RICTOR: variants seen among roughly 807,000 people sequenced by gnomAD.
RICTOR encodes the protein rapamycin-insensitive companion of mTOR.
In RICTOR, 49 loss-of-function variants were observed where a neutral mutation model predicts 214.9. That is an observed-to-expected ratio of 0.23 (90% CI 0.18 to 0.29). The LOEUF (loss-of-function observed/expected upper bound fraction) is 0.29, where lower values mean the gene tolerates loss of function less well. Ranked by LOEUF, RICTOR falls within the 10% of genes least tolerant of loss-of-function variation. RICTOR has a pLI of 1.00. For missense variants in RICTOR, 1,625 were observed against 2,047.0 expected (o/e 0.79, Z 3.98); for synonymous variants, 717 against 711.3 (o/e 1.01, Z -0.13).
chr5:38,986,829 G>T (rs748851605), intron 7 of RICTOR, among the ~76,000 whole-genome samples: 2 of 152,182 alleles, frequency 1.3e-5, no homozygotes, highest in Non-Finnish European at 2.9e-5. Context: ...TCCAGCTTTT[G>T]CTCATTCAGT....
At chr5:38,990,825 T>TGAGATATATGATATATGA (rs1554068211) in intron 7 of RICTOR, 124 bp downstream of exon 7, 1 of 163,864 alleles carries the variant, frequency 6.1e-6, no homozygotes, top group African/African-American at 9.1e-5. Flanking sequence ...ATGAGATATA[T>TGAGATATATGATATATGA]GATATATGAG....
chr5:38,978,327 T>C (rs1250465946), intron 9 of RICTOR, among the ~76,000 whole-genome samples: 1 of 152,142 alleles, frequency 6.6e-6, no homozygotes, highest in Admixed American at 6.5e-5. Flanking sequence ...ATATATACAT[T>C]ACAAAAACAA....
At position 38,950,205 on chromosome 5, in the gene RICTOR, T is replaced by C. The variant is rs144315310; in HGVS notation, c.3643A>G (p.Ile1215Val). The C allele has an allele frequency of 4.3e-6, 7 of 1,613,430 alleles. No homozygotes were observed. In the African/African-American group the frequency reaches 8.0e-5, roughly 18 times the overall value. Residue 1215 changes from isoleucine (I) to valine (V), a missense_variant, in exon 31 of 38, where the codon ATA (isoleucine) becomes GTA (valine). By Grantham distance (29) the Ile-to-Val change is conservative (BLOSUM62 3). Coordinates refer to ENST00000357387, the MANE Select transcript of RICTOR (RefSeq NM_152756.5). ...VESSTSSHMK[I>V]RSQSFNTDTT... is the part of the protein sequence containing the mutation. ...TCTGTATTGAAACTTTGGCTACGTATCTTCATATGTGAGCTCGTTGAACTT... is the reference window on the plus strand; with the variant it reads ...TCTGTATTGAAACTTTGGCTACGTACCTTCATATGTGAGCTCGTTGAACTT...
chr5:39,035,763 T>C (rs1273323368), intron 2 of RICTOR, among the ~76,000 whole-genome samples: 1 of 151,992 alleles, frequency 6.6e-6, no homozygotes, highest in Admixed American at 6.6e-5. Context: ...AAGAGAAGTT[T>C]AGAGAAAAAA....
rs977409408 is a variant in RICTOR, at chr5:38,959,952, T to C, written c.1878A>G (p.Leu626=). 4 of 1,611,326 alleles carry C rather than the reference T, an allele frequency of 2.5e-6. No homozygotes were observed. Among genetic ancestry groups the C allele is most frequent in the African/African-American group, 1.3e-5 (1 of 74,854 alleles). The part of the protein sequence containing the change: ...EEDGQGYLED[L]VKDIVQWLNA... Reference sequence around the variant, plus strand: ...TGAGCCACTGAACAATATCCTTTACTAGATCTTCTAAGTAGCCTTGCCCAT... The same window carrying C: ...TGAGCCACTGAACAATATCCTTTACCAGATCTTCTAAGTAGCCTTGCCCAT... Residue 626 remains leucine, a synonymous_variant, in exon 21 of 38, where the codon CTA becomes CTG. Transcript: ENST00000357387.
intron 3 of RICTOR, among the ~76,000 whole-genome samples, chr5:39,006,105 G>T (rs547444565): frequency 2.0e-5 from 3 of 152,248 alleles, no homozygotes; most frequent in East Asian, 1.9e-4. Flanking sequence ...GTATTTCTGG[G>T]CCTAATGCTT....
At chr5:38,975,472 TA>T in intron 10 of RICTOR, 64 bp downstream of exon 10, 2 of 1,105,740 alleles carry the variant, frequency 1.8e-6, no homozygotes, top group Admixed American at 3.5e-5. Context: ...AATAATAATT[TA>T]ACATTTGAAA....
chr5:38,938,570 C>G lies in RICTOR; in HGVS notation c.*3734G>C, dbSNP rs1747214312. On this transcript the variant is annotated 3_prime_UTR_variant, in exon 38 of 38. Coordinates refer to ENST00000357387, the MANE Select transcript of RICTOR (RefSeq NM_152756.5). ...CATGCTGTGGTGCAGCTATCCGATA[C>G]TTACATTACAAAAATACTCCAAACA... The G allele has an allele frequency of 4.3e-6, 1 of 232,716 alleles. No individual in the cohort carries two copies. Among genetic ancestry groups the G allele is most frequent in the African/African-American group, 2.2e-5 (1 of 45,290 alleles). The allele number at this position is 232,716 out of a possible 1,614,324, so 14.4% of individuals were successfully genotyped here.
chr5:39,072,425 G>A (rs765257146), intron 2 of RICTOR, among the ~76,000 whole-genome samples: 1 of 152,088 alleles, frequency 6.6e-6, no homozygotes, highest in African/African-American at 2.4e-5. Flanking sequence ...ATAGGAGCTC[G>A]ACGAACTCAA....
Position 38,946,457 on chromosome 5 carries a change from C to G in RICTOR, c.4399+11G>C, listed in dbSNP as rs1331347721. 3.9e-6 allele frequency: 6 copies of G among 1,537,690 alleles called. No individual in the cohort carries two copies. The highest frequency in any genetic ancestry group is 5.4e-6 in the Non-Finnish European group (6 of 1,110,584). On this transcript the variant is annotated intron_variant, in intron 33 of 37. Transcript: ENST00000357387. The stretch of plus-strand genomic sequence containing the variant: ...AGAGGCATCTCACAAGTACAATGCA[C>G]AATGCATTACCTCCTGCATCATGGG...
chr5:39,016,703 C>T (rs910017102), intron 3 of RICTOR, among the ~76,000 whole-genome samples: 4 of 152,126 alleles, frequency 2.6e-5, no homozygotes, highest in Admixed American at 6.6e-5. Flanking sequence ...AGGTGTTCAA[C>T]AGATTCCTAG....
In RICTOR at chr5:38,944,975, C is replaced by T. The variant is rs1389430810; in HGVS notation, c.4727G>A (p.Cys1576Tyr). ...GCCTTCTTGAGACACCCCATCACTG[C>T]ATCCAGAAATCCCCGAAAACTTAGA... ...VPSKFSGISG[C>Y]SDGVSQEGSA... Residue 1576 changes from cysteine to tyrosine, a missense_variant, in exon 35 of 38, where the codon TGC becomes TAC. Physicochemically the swap from Cys to Tyr is radical, Grantham distance 194. Transcript: ENST00000357387. 2 of 1,613,950 alleles carry T rather than the reference C, an allele frequency of 1.2e-6. No individual in the cohort carries two copies. Among genetic ancestry groups the T allele is most frequent in the Non-Finnish European group, 1.7e-6 (2 of 1,179,866 alleles).
intron 2 of RICTOR, among the ~76,000 whole-genome samples, chr5:39,026,175 T>C (rs1051016030): frequency 1.3e-5 from 2 of 151,972 alleles, no homozygotes; most frequent in African/African-American, 4.8e-5. Flanking sequence ...CATGGCTGTA[T>C]GAGAGAAAAA....
intron 3 of RICTOR, among the ~76,000 whole-genome samples, chr5:39,005,668 T>C (rs1433174185): frequency 1.3e-5 from 2 of 152,202 alleles, no homozygotes; most frequent in African/African-American, 2.4e-5. Flanking sequence ...GTTCTAGTCA[T>C]GTAATCCTGT....
At chr5:39,056,309 G>A (rs548564916) in intron 2 of RICTOR, among the ~76,000 whole-genome samples, 20 of 152,188 alleles carry the variant, frequency 1.3e-4, no homozygotes, top group African/African-American at 3.4e-4. Context: ...AATATATACC[G>A]TAATATCAGT....
At chr5:38,968,817 T>G (rs954366666) in intron 11 of RICTOR, among the ~76,000 whole-genome samples, 37 of 151,794 alleles carry the variant, frequency 2.4e-4, no homozygotes, top group African/African-American at 8.0e-4. Context: ...ACATGACAGC[T>G]TCATTCATGT....
intron 2 of RICTOR, among the ~76,000 whole-genome samples, chr5:39,058,720 G>A (rs1758350472): frequency 6.6e-6 from 1 of 152,020 alleles, no homozygotes; most frequent in South Asian, 2.1e-4. Context: ...CTGTTGAACT[G>A]AGGATGTTTA....
rs1445374213 is a variant in RICTOR, at chr5:38,966,121, A to G, written c.1299+520T>C. Among the ~76,000 whole-genome samples, 3 of 152,196 alleles carry G rather than the reference A, an allele frequency of 2.0e-5. No homozygotes were observed. The East Asian group carries it at 5.8e-4, about 29-fold the overall frequency. ...TGAAAAGAAAAACAAAAAAAACAAA[A>G]CAAAACAAAAAAAACCCATCTTCTG... On this transcript the variant is annotated intron_variant, in intron 15 of 37. Coordinates refer to ENST00000357387, the MANE Select transcript of RICTOR (RefSeq NM_152756.5).
chr5:38,997,974 T>G (rs1753301508), intron 5 of RICTOR, among the ~76,000 whole-genome samples: 1 of 152,166 alleles, frequency 6.6e-6, no homozygotes, highest in Non-Finnish European at 1.5e-5. Flanking sequence ...ACATCCACAT[T>G]GTGCAAAAGC....
Sources: gnomAD v4.1 joint callset for allele counts (sites outside exome capture counted in the v4.1 genomes callset) on GRCh38, gnomAD v4.1.1 for gene constraint, MANE v1.5 for transcripts, NCBI Gene and HGNC (gene_info 2026-07-23, HGNC 2026-07-21) for gene names.